The following NEK4 variants were observed in gnomAD, a reference collection of about 807,000 sequenced individuals.
NEK4 encodes the protein serine/threonine-protein kinase Nek4.
In NEK4, 86 loss-of-function variants were observed where a neutral mutation model predicts 98.4. That is an observed-to-expected ratio of 0.87 (90% confidence interval 0.73 to 1.05). NEK4 has a LOEUF of 1.05. Ranked by LOEUF, NEK4 falls within the 50% of genes least tolerant of loss-of-function variation. NEK4 has a pLI of 0.00. For missense variants in NEK4, 898 were observed against 950.3 expected (o/e 0.94, Z 0.72); for synonymous variants, 328 against 342.2 (o/e 0.96, Z 0.46).
Position 52,746,200 on chromosome 3 carries a change from G to A in NEK4, c.1688C>T (p.Ser563Leu), listed in dbSNP as rs548176402. ...ATGAGAAGGCAAAAATCGAGGAGGCGACTCTTGGAACTTAAATAATTAAAA... is the reference window on the plus strand; with the variant it reads ...ATGAGAAGGCAAAAATCGAGGAGGCAACTCTTGGAACTTAAATAATTAAAA... ...VRRDLFAFQE[S>L]PPRFLPSHPI... The change falls in exon 10 of 16, where the codon TCG becomes TTG. Residue 563 changes from serine (S) to leucine (L), a missense_variant. Ser to Leu is a moderately radical substitution (Grantham distance 145). Coordinates refer to ENST00000233027, the MANE Select transcript of NEK4 (RefSeq NM_003157.6). The A allele has an allele frequency of 1.9e-6, 3 of 1,613,730 alleles. No homozygotes were observed. The highest frequency in any genetic ancestry group is 2.5e-6 in the Non-Finnish European group (3 of 1,179,762).
chr3:52,752,700 G>T (rs1396922452), intron 6 of NEK4, among the ~76,000 whole-genome samples: 1 of 151,396 alleles, frequency 6.6e-6, no homozygotes, highest in African/African-American at 2.4e-5. Flanking sequence ...AGGAGCTTGA[G>T]ACCAGCCTGG....
At chr3:52,719,061 C>A (rs546377956) in intron 15 of NEK4, among the ~76,000 whole-genome samples, 1 of 152,306 alleles carries the variant, frequency 6.6e-6, no homozygotes. Flanking sequence ...CTGGCCTACA[C>A]CCCCTTTAAA....
intron 6 of NEK4, among the ~76,000 whole-genome samples, chr3:52,757,555 C>CA (rs541943769): frequency 0.013 from 918 of 71,514 alleles, 4 homozygotes; most frequent in African/African-American, 0.024. Context: ...GACTCCGTCT[C>CA]AAAAAAAAAA....
intron 15 of NEK4, among the ~76,000 whole-genome samples, chr3:52,714,831 T>C (rs1187763769): frequency 6.6e-6 from 1 of 152,152 alleles, no homozygotes; most frequent in Non-Finnish European, 1.5e-5. Flanking sequence ...CAGAGCGGGG[T>C]AAGCCCAGGC....
rs1379086471 is a variant in NEK4, at chr3:52,749,704, G to T, written c.1494C>A (p.Cys498Ter). 7.9e-6 allele frequency: 2 copies of T among 253,132 alleles called. No individual in the cohort carries two copies. The highest frequency in any genetic ancestry group is 1.6e-5 in the Non-Finnish European group (2 of 124,194). The allele number at this position is 253,132 out of a possible 1,614,324, so 15.7% of individuals were successfully genotyped here. Residue 498 changes from cysteine (C) to a stop codon, truncating the protein, a stop_gained, in exon 8 of 16, where the codon TGC (cysteine) becomes TGA (stop). Coordinates refer to ENST00000233027, the MANE Select transcript of NEK4 (RefSeq NM_003157.6). LOFTEE classifies it high-confidence loss of function. ...CTGCAAAAATTACCTGGGCGTGGTG[G>T]CACACGCCTGTAATCCCAGCTACTC... ...ASRVAGITGVCHHAQDQVAGE... is the reference protein window; with the variant it reads ...ASRVAGITGV
intron 15 of NEK4, among the ~76,000 whole-genome samples, chr3:52,728,654 A>G (rs2097366766): frequency 6.6e-6 from 1 of 152,208 alleles, no homozygotes; most frequent in Non-Finnish European, 1.5e-5. Flanking sequence ...AAGGGAAGAC[A>G]ACCATAAGGT....
rs367783743 is a variant in NEK4, at chr3:52,726,410, A to G, written c.2433+11176T>C. Among the ~76,000 whole-genome samples the G allele has an allele frequency of 7.0e-4, 107 of 151,782 alleles. 1 individual carries two copies. In the South Asian group the frequency reaches 0.022, roughly 31 times the overall value. On this transcript the variant is annotated intron_variant, in intron 15 of 15. Coordinates refer to ENST00000233027, the MANE Select transcript of NEK4 (RefSeq NM_003157.6). ...TCAGGAGATTGACACCATCCTGGCT[A>G]ACACGGTGAAACCCTGTCTCTTCTA...
intron 11 of NEK4, 28 bp downstream of exon 11, chr3:52,744,211 T>C (rs774075627): frequency 7.6e-6 from 12 of 1,569,114 alleles, no homozygotes; most frequent in African/African-American, 1.4e-5. Flanking sequence ...TAACTGCCAA[T>C]TAGATGAAGA....
Position 52,765,926 on chromosome 3 carries a change from T to C in NEK4, c.627A>G (p.Lys209=). 1 of 1,611,792 alleles carries C rather than the reference T, an allele frequency of 6.2e-7. No individual in the cohort carries two copies. The highest frequency in any genetic ancestry group is 8.5e-7 in the Non-Finnish European group (1 of 1,177,924). ...MATLKHAFNA[K]DMNSLVYRII... is the part of the protein sequence containing the mutation. The stretch of plus-strand genomic sequence containing the variant: ...TCCGATAAACTAAAGAATTCATATC[T>C]TTTGCATTGAAAGCATGCTTCAAGG... Residue 209 remains lysine (K), a synonymous_variant, in exon 4 of 16, where the codon AAA becomes AAG. Coordinates refer to ENST00000233027, the MANE Select transcript of NEK4 (RefSeq NM_003157.6).
chr3:52,768,902 A>G (rs187036411), intron 1 of NEK4, among the ~76,000 whole-genome samples: 2 of 152,294 alleles, frequency 1.3e-5, no homozygotes, highest in African/African-American at 4.8e-5. Flanking sequence ...CCATTGGATC[A>G]ATTATAAAAC....
intron 15 of NEK4, 144 bp downstream of exon 15, chr3:52,737,442 G>T: frequency 1.3e-6 from 1 of 765,108 alleles, no homozygotes; most frequent in Non-Finnish European, 2.1e-6. Flanking sequence ...TTGTGGTAAT[G>T]ACTGTACAAT....
At chr3:52,723,230 A>G (rs1433960713) in intron 15 of NEK4, among the ~76,000 whole-genome samples, 1 of 152,160 alleles carries the variant, frequency 6.6e-6, no homozygotes, top group Non-Finnish European at 1.5e-5. Flanking sequence ...AATAAAACAA[A>G]TATCAGTAAA....
chr3:52,720,384 C>T (rs2097359072), intron 15 of NEK4, among the ~76,000 whole-genome samples: 1 of 151,970 alleles, frequency 6.6e-6, no homozygotes, highest in African/African-American at 2.4e-5. Flanking sequence ...GAATACTTTA[C>T]AAATTTATTG....
intron 15 of NEK4, among the ~76,000 whole-genome samples, chr3:52,712,254 C>T (rs1195045580): frequency 1.3e-5 from 2 of 152,192 alleles, no homozygotes; most frequent in African/African-American, 4.8e-5. Flanking sequence ...ACAAAATAAT[C>T]ATATAAATAA....
intron 15 of NEK4, among the ~76,000 whole-genome samples, chr3:52,718,891 G>A (rs1169499859): frequency 6.6e-6 from 1 of 152,178 alleles, no homozygotes; most frequent in East Asian, 1.9e-4. Flanking sequence ...CCAAGTAGCT[G>A]GGATAATAGG....
At chr3:52,740,038 C>G (rs1206657364) in intron 13 of NEK4, among the ~76,000 whole-genome samples, 1 of 152,180 alleles carries the variant, frequency 6.6e-6, no homozygotes, top group African/African-American at 2.4e-5. Flanking sequence ...ATTCTGTGTA[C>G]AAATTCTGCC....
chr3:52,755,292 A>G (rs2097413268), intron 6 of NEK4, among the ~76,000 whole-genome samples: 2 of 152,114 alleles, frequency 1.3e-5, no homozygotes, highest in Admixed American at 1.3e-4. Flanking sequence ...AATGGGTACC[A>G]AGTTTCTGTT....
rs1487438245 is a variant in NEK4 at position 52,709,418 on chromosome 3, TG to T, written c.*2358del. 6.6e-6 allele frequency: 1 copy of T among 151,684 alleles called. No homozygotes were observed. Among genetic ancestry groups the T allele is most frequent in the African/African-American group, 2.4e-5 (1 of 41,288 alleles). 9.4% of individuals were successfully genotyped at this position (151,684 alleles called of 1,614,324 possible). On this transcript the variant is annotated 3_prime_UTR_variant, in exon 16 of 16. Transcript: ENST00000233027. The stretch of plus-strand genomic sequence containing the variant: ...CAGTATGGTAATTAATAAGAAAGTA[TG>T]GGGGAAGTCAGGTGTGGTGGTTCAT...
intron 15 of NEK4, among the ~76,000 whole-genome samples, chr3:52,713,818 C>CA: frequency 3.0e-5 from 2 of 65,712 alleles, no homozygotes; most frequent in East Asian, 1.1e-3. Flanking sequence ...AAAAAAAAGT[C>CA]AAAGTCAGGA....
Sources: allele counts gnomAD v4.1 joint callset (sites outside exome capture counted in the v4.1 genomes callset), GRCh38; gene constraint gnomAD v4.1.1; transcripts MANE v1.5; gene names NCBI Gene and HGNC (gene_info 2026-07-23, HGNC 2026-07-21).